POTEM: variants seen among roughly 807,000 people sequenced by gnomAD.
POTEM encodes the protein putative POTE ankyrin domain family member M.
For synonymous variants in POTEM, 8 were observed against 113.2 expected, an observed-to-expected ratio of 0.07 and a Z score of 5.90; for missense variants, 24 against 343.0, an observed-to-expected ratio of 0.07 and a Z score of 7.35.
chr14:18,968,636 C>A (rs112482221), intron 1 of POTEM, among the ~76,000 whole-genome samples: 1 of 141,178 alleles, frequency 7.1e-6, no homozygotes, highest in Non-Finnish European at 1.5e-5. Flanking sequence ...CTGGCTAACA[C>A]GGTGAAACCC....
intron 9 of POTEM, among the ~76,000 whole-genome samples, chr14:18,995,032 GT>G (rs1891277259): frequency 1.2e-5 from 1 of 84,376 alleles, no homozygotes; most frequent in South Asian, 3.5e-4. Flanking sequence ...AAATATTTGT[GT>G]TTTTCCTGTT....
intron 7 of POTEM, among the ~76,000 whole-genome samples, chr14:18,985,866 T>A (rs1211271384): frequency 1.5e-5 from 2 of 134,108 alleles, no homozygotes; most frequent in African/African-American, 3.1e-5. Context: ...GATCTGCCAC[T>A]ACGCTCCAGC....
rs1891425987 is a variant in POTEM at position 19,003,427 on chromosome 14, GACAAA to G, written c.*4766_*4770del. Among the ~76,000 whole-genome samples, 3 of 125,502 alleles carry G rather than the reference GACAAA, an allele frequency of 2.4e-5. No homozygotes were observed. Among genetic ancestry groups the G allele is most frequent in the Non-Finnish European group, 3.4e-5 (2 of 59,076 alleles). 82.3% of individuals were successfully genotyped at this position (125,502 alleles called of 152,430 possible). ...AGCAGGTGTTGCACTCCTACTTTCT[GACAAA>G]ACAGACTATGCGAATAAAGATAAAA... On this transcript the variant is annotated 3_prime_UTR_variant, in exon 11 of 11. Coordinates refer to ENST00000547889, the MANE Select transcript of POTEM (RefSeq NM_001145442.1).
At position 18,993,228 on chromosome 14, in the gene POTEM, G is replaced by T. The variant is rs1233073752; in HGVS notation, c.1410-3813G>T. 1.1e-4 allele frequency among the ~76,000 whole-genome samples: 7 copies of T among 66,462 alleles called. 3 individuals carry two copies. The highest frequency in any genetic ancestry group is 2.0e-4 in the Non-Finnish European group (7 of 34,296). The allele number at this position is 66,462 out of a possible 152,430, so 43.6% of individuals were successfully genotyped here. On this transcript the variant is annotated intron_variant, in intron 9 of 10. Transcript: ENST00000547889. ...AGCATTTTATTTAAAAAAATATTAG[G>T]GTGGTAAATGTAATGGACTCACAAA...
Position 18,982,751 on chromosome 14 carries a change from GTTTTTT to G in POTEM, c.1126+2617_1126+2622del, listed in dbSNP as rs58175667. On this transcript the variant is annotated intron_variant, in intron 6 of 10. Coordinates refer to ENST00000547889, the MANE Select transcript of POTEM (RefSeq NM_001145442.1). ...TTTTAATATGTTGGCCTTTGTTTTTGTTTTTTTTTTTTTTTGGTGTTATGCTTTTTT... is the reference window on the plus strand; with the variant it reads ...TTTTAATATGTTGGCCTTTGTTTTTGTTTTTTTTTGGTGTTATGCTTTTTT... 6.2e-5 allele frequency among the ~76,000 whole-genome samples: 3 copies of G among 48,736 alleles called. No individual in the cohort carries two copies. In the East Asian group the frequency reaches 1.3e-3, roughly 22 times the overall value. The allele number at this position is 48,736 out of a possible 152,430, so 32.0% of individuals were successfully genotyped here.
chr14:18,986,802 G>GCAA (rs1227630854), intron 7 of POTEM, among the ~76,000 whole-genome samples: 19 of 151,316 alleles, frequency 1.3e-4, no homozygotes, highest in African/African-American at 4.2e-4. Context: ...GGAAGGTTTT[G>GCAA]CAACACTACA....
At chr14:18,979,936 C>CA in intron 5 of POTEM, 138 bp from the exon 6 acceptor site, 1 of 1,305,276 alleles carries the variant, frequency 7.7e-7, no homozygotes, top group South Asian at 1.4e-5. Flanking sequence ...AGAATGTACT[C>CA]ATAAGTGGAT....
chr14:18,982,768 G>A (rs1891116490), intron 6 of POTEM, among the ~76,000 whole-genome samples: 1 of 75,418 alleles, frequency 1.3e-5, no homozygotes, highest in Non-Finnish European at 3.1e-5. Context: ...TTTTTTTTTG[G>A]TGTTATGCTT....
intron 6 of POTEM, among the ~76,000 whole-genome samples, chr14:18,984,530 G>A (rs1488474723): frequency 2.7e-5 from 3 of 112,440 alleles, no homozygotes; most frequent in Non-Finnish European, 5.2e-5. Context: ...GAGAAATAAT[G>A]TACAGCTTAG....
intron 9 of POTEM, among the ~76,000 whole-genome samples, chr14:18,996,265 A>T (rs1463428092): frequency 8.6e-5 from 13 of 151,324 alleles, no homozygotes; most frequent in African/African-American, 2.9e-4. Flanking sequence ...GTCCTATGTT[A>T]AAAACATAAT....
intron 1 of POTEM, among the ~76,000 whole-genome samples, chr14:18,968,996 G>T (rs1179766579): frequency 6.6e-6 from 1 of 150,464 alleles, no homozygotes; most frequent in Non-Finnish European, 1.5e-5. Context: ...AAATGTGCAT[G>T]TTATTTATTT....
chr14:18,969,378 TACACAA>T (rs1165227234), intron 1 of POTEM, among the ~76,000 whole-genome samples: 12,398 of 88,276 alleles, frequency 0.14, 2 homozygotes, highest in Non-Finnish European at 0.22. Flanking sequence ...TATATATATA[TACACAA>T]AATTTCTTTT....
chr14:18,981,598 T>G (rs1263872816), intron 6 of POTEM, among the ~76,000 whole-genome samples: 21 of 151,316 alleles, frequency 1.4e-4, no homozygotes, highest in Admixed American at 2.6e-4. Context: ...AGCAGAAGAA[T>G]AATGTTTGGC....
At chr14:18,974,920 T>G in intron 3 of POTEM, 1 of 404,754 alleles carries the variant, frequency 2.5e-6, no homozygotes, top group African/African-American at 2.1e-5. Context: ...TTTTTTTTAG[T>G]AGAGATGAGG....
intron 9 of POTEM, among the ~76,000 whole-genome samples, chr14:18,994,959 T>TTG (rs1891276200): frequency 1.3e-5 from 1 of 79,790 alleles, no homozygotes; most frequent in Non-Finnish European, 2.5e-5. Context: ...ATATGCTTGT[T>TTG]TACCGTTTGT....
intron 6 of POTEM, 95 bp downstream of exon 6, chr14:18,980,239 TG>T: frequency 3.3e-6 from 2 of 602,972 alleles, no homozygotes; most frequent in Non-Finnish European, 5.7e-6. Context: ...TTCCATGGGC[TG>T]GGGAAAGGTG....
At chr14:18,992,982 C>T (rs1355949285) in intron 9 of POTEM, among the ~76,000 whole-genome samples, 2 of 67,288 alleles carry the variant, frequency 3.0e-5, no homozygotes, top group African/African-American at 1.5e-4. Context: ...CTGCAACCTC[C>T]GCCTCCTGGG....
chr14:18,968,439 A>G (rs1402009684), intron 1 of POTEM, among the ~76,000 whole-genome samples: 1 of 152,266 alleles, frequency 6.6e-6, no homozygotes, highest in East Asian at 1.9e-4. Flanking sequence ...CACTATGTAA[A>G]TATGTTCTTT....
intron 9 of POTEM, among the ~76,000 whole-genome samples, chr14:18,991,046 G>A (rs1443228471): frequency 2.3e-4 from 24 of 104,274 alleles, no homozygotes; most frequent in African/African-American, 7.8e-4. Flanking sequence ...ACCATACCTG[G>A]CTAATTTTTG....
Sources: allele counts gnomAD v4.1 joint callset (sites outside exome capture counted in the v4.1 genomes callset), GRCh38; gene constraint gnomAD v4.1.1; transcripts MANE v1.5; gene names NCBI Gene and HGNC (gene_info 2026-07-23, HGNC 2026-07-21).